CALN1: variants seen among roughly 807,000 people sequenced by gnomAD.
The protein encoded by CALN1 is calcium-binding protein 8.
In CALN1, 17 loss-of-function variants were observed where a neutral mutation model predicts 30.6. That is an observed-to-expected ratio of 0.56 (90% CI 0.38 to 0.83). CALN1 has a LOEUF of 0.83. Among genes scored for constraint, CALN1 ranks in the 40% least tolerant of loss-of-function variants. The probability of loss-of-function intolerance (pLI) is 0.00; values close to 1 mark genes in which losing one functional copy is unlikely to be tolerated. For missense variants in CALN1, 291 were observed against 354.9 expected, an observed-to-expected ratio of 0.82 and a Z score of 1.45; for synonymous variants, 156 against 131.4, an observed-to-expected ratio of 1.19 and a Z score of -1.28.
chr7:72,444,632 T>A (rs1334218696), intron 1 of CALN1, among the ~76,000 whole-genome samples: 3 of 152,116 alleles, frequency 2.0e-5, no homozygotes, highest in African/African-American at 7.2e-5. Context: ...CAGCAGTCAG[T>A]ACAGGAGTCA....
At chr7:72,079,734 G>T (rs535612017) in intron 4 of CALN1, among the ~76,000 whole-genome samples, 2 of 147,120 alleles carry the variant, frequency 1.4e-5, no homozygotes, top group African/African-American at 5.1e-5. Flanking sequence ...CTAGGCCTGT[G>T]CAAATGCCCA....
chr7:72,414,640 A>G (rs1282516811), upstream of CALN1, among the ~76,000 whole-genome samples: 1 of 152,226 alleles, frequency 6.6e-6, no homozygotes, highest in Admixed American at 6.5e-5. Context: ...TGAATTTGCC[A>G]TAAGCTGTAT....
intron 5 of CALN1, among the ~76,000 whole-genome samples, chr7:71,900,357 C>A (rs186565828): frequency 6.6e-6 from 1 of 152,240 alleles, no homozygotes; most frequent in East Asian, 1.9e-4. Flanking sequence ...TTGGAAAAGA[C>A]AAAGTCAAAT....
At chr7:72,137,605 A>G (rs1809602179) in intron 3 of CALN1, among the ~76,000 whole-genome samples, 1 of 152,238 alleles carries the variant, frequency 6.6e-6, no homozygotes, top group Non-Finnish European at 1.5e-5. Flanking sequence ...GTGAAGTATA[A>G]AATGTGGTAT....
At chr7:72,449,751 T>A (rs907585398), upstream of CALN1, among the ~76,000 whole-genome samples, 1 of 151,778 alleles carries the variant, frequency 6.6e-6, no homozygotes, top group Admixed American at 6.6e-5. Context: ...GGCGGGCGCC[T>A]GTAGTCCCAG....
At chr7:72,008,090 C>G (rs911910070) in intron 5 of CALN1, among the ~76,000 whole-genome samples, 1 of 152,170 alleles carries the variant, frequency 6.6e-6, no homozygotes, top group African/African-American at 2.4e-5. Context: ...GGATCAGTAG[C>G]TCTATTTCTT....
At chr7:72,142,758 G>C (rs1295862687) in intron 3 of CALN1, among the ~76,000 whole-genome samples, 1 of 152,114 alleles carries the variant, frequency 6.6e-6, no homozygotes, top group Admixed American at 6.5e-5. Flanking sequence ...ACACGGCTGG[G>C]TACCCCTCTG....
chr7:72,156,848 C>T (rs922657681), intron 3 of CALN1, among the ~76,000 whole-genome samples: 1 of 152,188 alleles, frequency 6.6e-6, no homozygotes, highest in African/African-American at 2.4e-5. Flanking sequence ...CACAACCCCA[C>T]CTGCAAAAAC....
intron 2 of CALN1, among the ~76,000 whole-genome samples, chr7:72,315,442 T>C (rs1800373363): frequency 6.6e-6 from 1 of 151,976 alleles, no homozygotes; most frequent in African/African-American, 2.4e-5. Flanking sequence ...ACAAAACCAC[T>C]TTAGCTGTCA....
chr7:72,342,756 T>C (rs1360544748), intron 2 of CALN1, among the ~76,000 whole-genome samples: 1 of 152,154 alleles, frequency 6.6e-6, no homozygotes, highest in Non-Finnish European at 1.5e-5. Flanking sequence ...TTTTTTATTT[T>C]ACCATCAGTA....
chr7:72,303,864 A>G (rs967107147), intron 2 of CALN1, among the ~76,000 whole-genome samples: 1 of 152,050 alleles, frequency 6.6e-6, no homozygotes, highest in Non-Finnish European at 1.5e-5. Context: ...ACAGAGCAAG[A>G]CTCTGTCTCG....
chr7:72,122,260 A>T (rs560813654), intron 3 of CALN1, among the ~76,000 whole-genome samples: 1 of 152,318 alleles, frequency 6.6e-6, no homozygotes, highest in South Asian at 2.1e-4. Context: ...TACGGAGATT[A>T]GAGACTCCTT....
chr7:72,112,476 C>A (rs1330394607), intron 3 of CALN1, among the ~76,000 whole-genome samples: 1 of 152,046 alleles, frequency 6.6e-6, no homozygotes, highest in African/African-American at 2.4e-5. Context: ...TGAGACACTG[C>A]AAAACTGGAG....
At chr7:72,040,451 C>T (rs1201403906) in intron 4 of CALN1, among the ~76,000 whole-genome samples, 1 of 152,034 alleles carries the variant, frequency 6.6e-6, no homozygotes, top group African/African-American at 2.4e-5. Context: ...TGCCACTGCA[C>T]CCCAGTATGG....
At chr7:71,826,059 A>T (rs1301566098) in intron 5 of CALN1, among the ~76,000 whole-genome samples, 4 of 137,654 alleles carry the variant, frequency 2.9e-5, no homozygotes, top group South Asian at 2.4e-4. Flanking sequence ...AAAAAAAAAA[A>T]GGCAGAAAAC....
chr7:72,076,648 G>T (rs1238905782), intron 4 of CALN1, among the ~76,000 whole-genome samples: 1 of 31,586 alleles, frequency 3.2e-5, no homozygotes, highest in Non-Finnish European at 6.5e-5. Flanking sequence ...AAAAAAAAAA[G>T]CAAAGACATG....
intron 3 of CALN1, among the ~76,000 whole-genome samples, chr7:72,128,281 T>C (rs968207813): frequency 2.0e-5 from 3 of 152,150 alleles, no homozygotes; most frequent in East Asian, 3.8e-4. Flanking sequence ...TAGAAATTGG[T>C]CTGTATGCAT....
intron 5 of CALN1, among the ~76,000 whole-genome samples, chr7:71,912,968 G>A (rs1794500532): frequency 6.6e-6 from 1 of 152,208 alleles, no homozygotes; most frequent in South Asian, 2.1e-4. Flanking sequence ...TGGAGGAGAA[G>A]CCTGGGGTGC....
intron 2 of CALN1, among the ~76,000 whole-genome samples, chr7:72,370,784 T>C (rs1396869138): frequency 2.0e-5 from 3 of 151,974 alleles, no homozygotes; most frequent in Admixed American, 1.3e-4. Context: ...CATGGGCTCA[T>C]GCCTATAATC....
Sources: gnomAD v4.1 joint callset for allele counts (sites outside exome capture counted in the v4.1 genomes callset) on GRCh38, gnomAD v4.1.1 for gene constraint, MANE v1.5 for transcripts, NCBI Gene and HGNC (gene_info 2026-07-23, HGNC 2026-07-21) for gene names.